Variants in COL22A1 observed in about 807,000 individuals in gnomAD.
COL22A1 encodes collagen alpha-1(XXII) chain.
A neutral mutation model predicts 248.9 loss-of-function variants in COL22A1; 221 were observed. That is an observed-to-expected ratio of 0.89 (90% CI 0.80 to 0.99). The LOEUF (loss-of-function observed/expected upper bound fraction) is 0.99, where lower values mean the gene tolerates loss of function less well. Ranked by LOEUF, COL22A1 falls within the 50% of genes least tolerant of loss-of-function variation. The pLI is 0.00. For synonymous variants in COL22A1, 891 were observed against 793.4 expected, an observed-to-expected ratio of 1.12 and a Z score of -2.07; for missense variants, 2,240 against 2,179.0, an observed-to-expected ratio of 1.03 and a Z score of -0.56.
chr8:138,759,851 GA>G (rs1367202501), intron 18 of COL22A1, among the ~76,000 whole-genome samples: 6 of 152,112 alleles, frequency 3.9e-5, no homozygotes, highest in Non-Finnish European at 8.8e-5. Flanking sequence ...AAGGAGAAAA[GA>G]AGAGGAAGAG....
intron 23 of COL22A1, among the ~76,000 whole-genome samples, chr8:138,728,173 C>T (rs971398114): frequency 1.3e-5 from 2 of 152,116 alleles, no homozygotes; most frequent in Admixed American, 1.3e-4. Context: ...GCTGAGACTA[C>T]AGGCGTGTGC....
At chr8:138,888,439 C>T (rs923465895) in intron 1 of COL22A1, among the ~76,000 whole-genome samples, 3 of 152,202 alleles carry the variant, frequency 2.0e-5, no homozygotes, top group Non-Finnish European at 4.4e-5. Context: ...GAAGGAATGG[C>T]ATCTGCCAGG....
At chr8:138,866,316 A>G (rs1161765556) in intron 3 of COL22A1, among the ~76,000 whole-genome samples, 2 of 152,248 alleles carry the variant, frequency 1.3e-5, no homozygotes, top group African/African-American at 2.4e-5. Context: ...GGTTAGCTAC[A>G]GGACATGAGA....
At chr8:138,725,335 G>T (rs1830215555) in intron 24 of COL22A1, 52 bp downstream of exon 24, 1 of 1,571,138 alleles carries the variant, frequency 6.4e-7, no homozygotes, top group Non-Finnish European at 8.8e-7. Context: ...GGTCCCACAG[G>T]CCAGGAAACC....
chr8:138,774,255 T>A (rs901528184), intron 16 of COL22A1, among the ~76,000 whole-genome samples: 1 of 152,208 alleles, frequency 6.6e-6, no homozygotes, highest in East Asian at 1.9e-4. Context: ...CCTCCCTGAA[T>A]GAAAAGGGAC....
chr8:138,852,283 C>A (rs879273664), intron 3 of COL22A1, among the ~76,000 whole-genome samples: 19 of 151,250 alleles, frequency 1.3e-4, no homozygotes, highest in East Asian at 5.9e-4. Flanking sequence ...CCACAGTGGT[C>A]GGGGGGAAGG....
At chr8:138,678,313 C>T (rs1269274735) in intron 40 of COL22A1, among the ~76,000 whole-genome samples, 1 of 152,148 alleles carries the variant, frequency 6.6e-6, no homozygotes, top group Admixed American at 6.5e-5. Flanking sequence ...CACTAGGTCT[C>T]CTTGACATCA....
At chr8:138,642,446 A>T (rs1412482988) in intron 47 of COL22A1, among the ~76,000 whole-genome samples, 1 of 152,206 alleles carries the variant, frequency 6.6e-6, no homozygotes, top group Non-Finnish European at 1.5e-5. Flanking sequence ...ACATGCCCCA[A>T]GGACTTCTCA....
At chr8:138,608,103 G>T (rs1818567384) in intron 56 of COL22A1, 114 bp from the exon 57 acceptor site, 1 of 814,804 alleles carries the variant, frequency 1.2e-6, no homozygotes, top group Non-Finnish European at 1.9e-6. Flanking sequence ...TGTTACTCTA[G>T]CCAGTGTGGC....
chr8:138,765,780 CAGAGAG>C (rs1345249588), intron 16 of COL22A1, among the ~76,000 whole-genome samples: 6 of 152,168 alleles, frequency 3.9e-5, no homozygotes, highest in African/African-American at 1.2e-4. Context: ...TCCTTGTGCC[CAGAGAG>C]AGAAAGAGTG....
chr8:138,864,620 A>G (rs11986555), intron 3 of COL22A1, among the ~76,000 whole-genome samples: 2,116 of 152,340 alleles, frequency 0.014, 52 homozygotes, highest in African/African-American at 0.048. Flanking sequence ...ATAGGAGCAC[A>G]CTAAGTACGT....
At chr8:138,752,028 C>T (rs1167638515) in intron 21 of COL22A1, among the ~76,000 whole-genome samples, 1 of 152,204 alleles carries the variant, frequency 6.6e-6, no homozygotes, top group African/African-American at 2.4e-5. Flanking sequence ...TGACCTCATT[C>T]GAATCCTGCC....
At position 138,821,180 on chromosome 8, in the gene COL22A1, T is replaced by G. The variant is rs760424890; in HGVS notation, c.1201A>C (p.Lys401Gln). The G allele has an allele frequency of 5.0e-6, 8 of 1,614,156 alleles. No homozygotes were observed. The South Asian group carries it at 8.8e-5, about 18-fold the overall frequency. Reference protein sequence around the residue: ...EERENIDIQGKTVIGKRLYDS... With the variant: ...EERENIDIQGQTVIGKRLYDS... ...TAGAGGCGCTTGCCAATCACAGTCT[T>G]GCCCTGGATGTCAATGTTCTCCCGT... Residue 401 changes from lysine (K) to glutamine (Q), a missense_variant, in exon 7 of 65, where the codon AAG (lysine) becomes CAG (glutamine). Coordinates refer to ENST00000303045, the MANE Select transcript of COL22A1 (RefSeq NM_152888.3).
intron 41 of COL22A1, among the ~76,000 whole-genome samples, chr8:138,670,905 G>T (rs938985022): frequency 7.6e-6 from 1 of 132,430 alleles, no homozygotes; most frequent in Non-Finnish European, 1.6e-5. Context: ...AGGCTGCAGT[G>T]AGCCATGATC....
At chr8:138,660,339 T>C (rs1223795185) in intron 44 of COL22A1, 97 bp downstream of exon 44, 2 of 1,063,496 alleles carry the variant, frequency 1.9e-6, no homozygotes, top group African/African-American at 1.5e-5. Flanking sequence ...CAAATGTTCC[T>C]TTGTTAAAAC....
At chr8:138,864,186 G>A (rs901846240) in intron 3 of COL22A1, among the ~76,000 whole-genome samples, 3 of 151,924 alleles carry the variant, frequency 2.0e-5, no homozygotes, top group African/African-American at 7.3e-5. Flanking sequence ...CTGCCCAAAC[G>A]GTCTGAACCT....
intron 51 of COL22A1, 48 bp from the exon 52 acceptor site, chr8:138,623,833 G>A (rs770937484): frequency 3.9e-6 from 6 of 1,551,094 alleles, no homozygotes; most frequent in Non-Finnish European, 5.3e-6. Context: ...AGATTCGAGG[G>A]GATGGAAAGA....
chr8:138,885,578 GTT>G (rs1824603872), intron 1 of COL22A1, among the ~76,000 whole-genome samples: 1 of 150,014 alleles, frequency 6.7e-6, no homozygotes, highest in Non-Finnish European at 1.5e-5. Context: ...AGTTTTTTTT[GTT>G]TTTGTTTTTT....
intron 39 of COL22A1, among the ~76,000 whole-genome samples, chr8:138,683,547 T>C (rs1426903378): frequency 6.6e-6 from 1 of 152,156 alleles, no homozygotes; most frequent in Non-Finnish European, 1.5e-5. Context: ...TCACTAGGTG[T>C]TGGTGGAAAT....
Sources: gnomAD v4.1 joint callset for allele counts (sites outside exome capture counted in the v4.1 genomes callset) on GRCh38, gnomAD v4.1.1 for gene constraint, MANE v1.5 for transcripts, NCBI Gene and HGNC (gene_info 2026-07-23, HGNC 2026-07-21) for gene names.